The following GTPBP6 variants were observed in gnomAD, a reference collection of about 807,000 sequenced individuals.
GTPBP6 encodes the protein putative GTP-binding protein 6.
In GTPBP6, 33 loss-of-function variants were observed where a neutral mutation model predicts 28.9. That is an observed-to-expected ratio of 1.14 (90% CI 0.87 to 1.53). The LOEUF is 1.53. Among genes scored for constraint, GTPBP6 ranks in the 40% most tolerant of loss-of-function variants. The probability of loss-of-function intolerance (pLI) is 0.00; values close to 1 mark genes in which losing one functional copy is unlikely to be tolerated. For synonymous variants in GTPBP6, 231 were observed against 192.7 expected, an observed-to-expected ratio of 1.20 and a Z score of -1.65; for missense variants, 507 against 408.3, an observed-to-expected ratio of 1.24 and a Z score of -2.08.
intron 6 of GTPBP6, 63 bp downstream of exon 6, chrX:312,703 C>CG (rs1199144226): frequency 3.3e-6 from 5 of 1,507,976 alleles, no homozygotes; most frequent in Non-Finnish European, 4.5e-6. Flanking sequence ...TGCCCTCCCC[C>CG]GGGCGAGTCC....
At chrX:307,937 TTGCAGACAGGCC>T in intron 7 of GTPBP6, 57 bp from the exon 8 acceptor site, 1 of 1,409,514 alleles carries the variant, frequency 7.1e-7, no homozygotes, top group South Asian at 1.7e-5. Flanking sequence ...GACCCCAAGC[TTGCAGACAGGCC>T]CAGGAGAGGG....
intron 6 of GTPBP6, chrX:312,511 T>C: frequency 1.5e-6 from 1 of 681,936 alleles, no homozygotes; most frequent in Non-Finnish European, 2.7e-6. Context: ...GATGGGAGGA[T>C]GGGGTAGATG....
intron 1 of GTPBP6, among the ~76,000 whole-genome samples, chrX:317,722 C>CGGA (rs2070465678): frequency 4.5e-5 from 6 of 134,270 alleles, no homozygotes; most frequent in Non-Finnish European, 8.1e-5. Flanking sequence ...CCCCACCCCA[C>CGGA]CCCACCCCAC....
rs183420057 is a variant in GTPBP6 at position 311,599 on chromosome X, C to T, written c.945G>A (p.Thr315=). 728 of 1,612,158 alleles carry T rather than the reference C, an allele frequency of 4.5e-4. 5 individuals are homozygous for T. The African/African-American group carries it at 7.9e-3, about 17-fold the overall frequency. ...CCCGTGGCTGGATGGCGGCATCGCC[C>T]GTCAGTGCCTTGATCAGCGTGGTCT... The change falls in exon 7 of 10, where the codon ACG becomes ACA. Residue 315 remains threonine (T), a synonymous_variant. Coordinates refer to ENST00000326153, the Ensembl canonical transcript of GTPBP6.
In GTPBP6 at chrX:312,761, C is replaced by A. The variant is rs1182709505; in HGVS notation, c.916+5G>T. The A allele has an allele frequency of 6.2e-7, 1 of 1,610,680 alleles. No individual in the cohort carries two copies. Among genetic ancestry groups the A allele is most frequent in the Non-Finnish European group, 8.5e-7 (1 of 1,178,932 alleles). On this transcript the variant is annotated splice_donor_5th_base_variant and intron_variant, in intron 6 of 9. Coordinates refer to ENST00000326153, the Ensembl canonical transcript of GTPBP6. ...GGAAGGCCCCTCCCCTGGGCGCGTG[C>A]TCACCGCAGTTGGTGTACCCCACCA...
At chrX:304,816 G>A (rs2070118526) in exon 10 of GTPBP6, 1 of 1,386,146 alleles carries the variant, frequency 7.2e-7, no homozygotes. Context: ...GCAGTTCACA[G>A]CAGGCACCGA....
Position 317,129 on chromosome X carries a change from C to T in GTPBP6, c.350-78G>A, listed in dbSNP as rs1247309756. 7 of 398,102 alleles carry T rather than the reference C, an allele frequency of 1.8e-5. No individual in the cohort carries two copies. The Admixed American group carries it at 2.2e-4, about 13-fold the overall frequency. 24.7% of individuals were successfully genotyped at this position (398,102 alleles called of 1,614,324 possible). A position where few individuals can be genotyped will look rare whatever the true frequency, so the allele number is the denominator to read the frequency against. On this transcript the variant is annotated intron_variant, in intron 1 of 9. Transcript: ENST00000326153. ...CCACACCTGCCCGGGGAGGCCTCCTCCTGCCCTTGAGACAATCTCCCCGGA... is the reference window on the plus strand; with the variant it reads ...CCACACCTGCCCGGGGAGGCCTCCTTCTGCCCTTGAGACAATCTCCCCGGA...
chrX:309,997 C>T (rs770894574), intron 7 of GTPBP6, among the ~76,000 whole-genome samples: 32 of 137,496 alleles, frequency 2.3e-4, no homozygotes, highest in South Asian at 1.6e-3. Context: ...TGGAGTGATG[C>T]GGCCACAAGC....
rs1384380418 is a variant in GTPBP6 at position 317,055 on chromosome X, C to A, written c.350-4G>T. The A allele has an allele frequency of 2.0e-5, 8 of 398,498 alleles. No homozygotes were observed. Among genetic ancestry groups the A allele is most frequent in the Non-Finnish European group, 8.8e-6 (2 of 226,068 alleles). 24.7% of individuals were successfully genotyped at this position (398,498 alleles called of 1,614,324 possible). On this transcript the variant is annotated splice_polypyrimidine_tract_variant and splice_region_variant and intron_variant, in intron 1 of 9. Coordinates refer to ENST00000326153, the Ensembl canonical transcript of GTPBP6. ...GCCTCCGCCACCTGCCACTCGGCTG[C>A]GGGGACACAAGGGCCACCGTGAGAG... is the stretch of plus-strand genomic sequence containing the variant.
intron 2 of GTPBP6, among the ~76,000 whole-genome samples, 162 bp downstream of exon 2, chrX:316,752 C>G (rs1190622313): frequency 6.5e-4 from 99 of 152,306 alleles, no homozygotes; most frequent in Non-Finnish European, 1.0e-3. Flanking sequence ...CGTCCTCCGA[C>G]TCCTACTGGC....
chrX:305,018 G>A (rs376302425), exon 10 of GTPBP6: 148 of 1,598,410 alleles, frequency 9.3e-5, no homozygotes, highest in Middle Eastern at 8.5e-4. Flanking sequence ...CAGCGGTAAC[G>A]CCTCAGCTCC....
At chrX:316,403 G>A (rs1384763480) in intron 2 of GTPBP6, among the ~76,000 whole-genome samples, 1 of 151,622 alleles carries the variant, frequency 6.6e-6, no homozygotes, top group African/African-American at 2.4e-5. Context: ...ATGCATCTGA[G>A]TCAGGCAGGA....
rs774670850 is a variant in GTPBP6, at chrX:311,406, G to A, written c.1125+13C>T. ...GTGTCCGAGCACCCGATCCCCGGCC[G>A]TCCCACGCTCACCGAGTGGGCCACG... On this transcript the variant is annotated intron_variant, in intron 7 of 9. Coordinates refer to ENST00000326153, the Ensembl canonical transcript of GTPBP6. The A allele has an allele frequency of 7.9e-5, 96 of 1,211,520 alleles. No individual in the cohort carries two copies. The highest frequency in any genetic ancestry group is 3.9e-4 in the East Asian group (8 of 20,456). The allele number at this position is 1,211,520 out of a possible 1,614,324, so 75.0% of individuals were successfully genotyped here.
exon 7 of GTPBP6, chrX:311,618 G>A (rs748779841): frequency 5.2e-5 from 83 of 1,611,478 alleles, no homozygotes; most frequent in Admixed American, 6.7e-5. Flanking sequence ...CTTGATCAGC[G>A]TGGTCTTTCC....
chrX:317,757 C>T (rs1394269288), intron 1 of GTPBP6, among the ~76,000 whole-genome samples: 4 of 142,726 alleles, frequency 2.8e-5, no homozygotes, highest in Non-Finnish European at 6.1e-5. Flanking sequence ...CCACCCCATC[C>T]CACGGACTCC....
exon 10 of GTPBP6, chrX:304,989 C>T (rs2070122624): frequency 1.3e-6 from 2 of 1,557,490 alleles, no homozygotes; most frequent in African/African-American, 1.4e-5. Flanking sequence ...CTGCACCTGA[C>T]ACCAAGCTGC....
At chrX:310,938 C>G (rs2070273791) in intron 7 of GTPBP6, among the ~76,000 whole-genome samples, 1 of 128,392 alleles carries the variant, frequency 7.8e-6, no homozygotes, top group Non-Finnish European at 1.7e-5. Context: ...CGAACGGTCA[C>G]TCTGTCTGTC....
At chrX:312,819 T>A (rs1197602337) in exon 6 of GTPBP6, 1 of 1,612,608 alleles carries the variant, frequency 6.2e-7, no homozygotes, top group Non-Finnish European at 8.5e-7. Flanking sequence ...CCTCGTCCGC[T>A]GCCGGCGGAG....
At chrX:310,760 C>G (rs1329270857) in intron 7 of GTPBP6, among the ~76,000 whole-genome samples, 1 of 151,546 alleles carries the variant, frequency 6.6e-6, no homozygotes, top group Non-Finnish European at 1.5e-5. Flanking sequence ...GGTCAGCTCC[C>G]GCTTTCTGGA....
Sources: allele counts gnomAD v4.1 joint callset (sites outside exome capture counted in the v4.1 genomes callset), GRCh38; gene constraint gnomAD v4.1.1; transcripts MANE v1.5; gene names NCBI Gene and HGNC (gene_info 2026-07-23, HGNC 2026-07-21).